Variants in ACSL5 observed in about 807,000 individuals in gnomAD.
ACSL5 encodes the protein acyl-CoA synthetase long chain family member 5, also known as long-chain-fatty-acid--CoA ligase 5.
ACSL5 carries 50 observed loss-of-function variants against 84.9 expected under a neutral mutation model. The ratio of observed to expected loss-of-function variants is 0.59; its 90% CI spans 0.47 to 0.75. The LOEUF (loss-of-function observed/expected upper bound fraction) is 0.75, where lower values mean the gene tolerates loss of function less well. ACSL5 is among the 30% of genes least tolerant of loss of function. The probability of loss-of-function intolerance (pLI) is 0.00; values close to 1 mark genes in which losing one functional copy is unlikely to be tolerated. For synonymous variants in ACSL5, 280 were observed against 300.7 expected (o/e 0.93, Z 0.71); for missense variants, 775 against 830.4 (o/e 0.93, Z 0.82).
chr10:112,398,532 G>T (rs1262055698), intron 2 of ACSL5, among the ~76,000 whole-genome samples: 1 of 151,916 alleles, frequency 6.6e-6, no homozygotes, highest in Non-Finnish European at 1.5e-5. Flanking sequence ...AACCTCCCAA[G>T]TAGCTGGGAC....
intron 16 of ACSL5, 29 bp from the exon 17 acceptor site, chr10:112,422,296 T>G (rs1367204080): frequency 1.3e-6 from 2 of 1,591,582 alleles, no homozygotes; most frequent in African/African-American, 2.7e-5. Flanking sequence ...CCTTTGCTAT[T>G]GTCACCGCCT....
In ACSL5 at chr10:112,394,788, G is replaced by C. The variant is rs1029104821; in HGVS notation, c.-29-130G>C. The C allele has an allele frequency of 3.3e-6, 5 of 1,495,368 alleles. No homozygotes were observed. The African/African-American group carries it at 7.0e-5, about 21-fold the overall frequency. The allele number at this position is 1,495,368 out of a possible 1,614,324, so 92.6% of individuals were successfully genotyped here. A position where few individuals can be genotyped will look rare whatever the true frequency, so the allele number is the denominator to read the frequency against. ...CCACTAGAGAGGTACAACTGTGTTTGAGGGTTTGAAGGCGTGCGCGCGTGT... is the reference window on the plus strand; with the variant it reads ...CCACTAGAGAGGTACAACTGTGTTTCAGGGTTTGAAGGCGTGCGCGCGTGT... On this transcript the variant is annotated intron_variant, in intron 1 of 20. Coordinates refer to ENST00000354655, the MANE Select transcript of ACSL5 (RefSeq NM_203379.2).
At chr10:112,421,850 T>A (rs1293949915) in intron 15 of ACSL5, 97 bp from the exon 16 acceptor site, 2 of 1,418,362 alleles carry the variant, frequency 1.4e-6, no homozygotes, top group Non-Finnish European at 2.0e-6. Context: ...TTTTTCAGTC[T>A]TCCTCTTCTA....
intron 3 of ACSL5, 94 bp downstream of exon 3, chr10:112,399,103 T>G (rs1843816149): frequency 2.0e-6 from 2 of 1,009,024 alleles, no homozygotes; most frequent in Non-Finnish European, 3.1e-6. Context: ...CCCCAGCTAT[T>G]TAGATGCAGT....
At chr10:112,386,262 C>T (rs969217817) in intron 1 of ACSL5, among the ~76,000 whole-genome samples, 17 of 134,422 alleles carry the variant, frequency 1.3e-4, no homozygotes, top group Admixed American at 5.1e-4. Flanking sequence ...GGTGCAATCT[C>T]GGCTCACTGC....
chr10:112,403,659 G>A (rs1229064767), intron 3 of ACSL5, among the ~76,000 whole-genome samples: 3 of 152,188 alleles, frequency 2.0e-5, no homozygotes, highest in Admixed American at 1.3e-4. Flanking sequence ...TAGGAGAAAA[G>A]TGAATTGTCA....
intron 5 of ACSL5, among the ~76,000 whole-genome samples, chr10:112,407,522 T>C (rs1259732206): frequency 6.6e-6 from 1 of 151,990 alleles, no homozygotes; most frequent in Non-Finnish European, 1.5e-5. Flanking sequence ...GCACCCGGCC[T>C]CAAGTTGAGA....
chr10:112,380,667 A>G (rs1221392152), intron 1 of ACSL5, among the ~76,000 whole-genome samples: 3 of 152,198 alleles, frequency 2.0e-5, no homozygotes, highest in African/African-American at 7.2e-5. Flanking sequence ...AGAGACACAG[A>G]CAACAGTTGA....
chr10:112,381,232 G>A (rs1178095064), intron 1 of ACSL5, among the ~76,000 whole-genome samples: 1 of 152,180 alleles, frequency 6.6e-6, no homozygotes, highest in East Asian at 1.9e-4. Context: ...TGCACACACT[G>A]AAGCATTCTG....
At chr10:112,422,287 CT>C (rs773607161) in intron 16 of ACSL5, 37 bp from the exon 17 acceptor site, 128 of 1,570,500 alleles carry the variant, frequency 8.2e-5, no homozygotes, top group Admixed American at 2.6e-4. Flanking sequence ...GAGGAGCAGC[CT>C]TTGCTATTGT....
chr10:112,401,751 C>G (rs1484566602), intron 3 of ACSL5, among the ~76,000 whole-genome samples: 1 of 152,052 alleles, frequency 6.6e-6, no homozygotes, highest in Non-Finnish European at 1.5e-5. Flanking sequence ...TCCTGGAACT[C>G]TCTCTCTCCT....
At chr10:112,418,236 T>C (rs1844363498) in intron 14 of ACSL5, among the ~76,000 whole-genome samples, 1 of 152,178 alleles carries the variant, frequency 6.6e-6, no homozygotes, top group South Asian at 2.1e-4. Flanking sequence ...CCTTGAACAA[T>C]GCAAGAGTTA....
intron 6 of ACSL5, chr10:112,408,749 C>A (rs184917186): frequency 6.4e-6 from 3 of 470,348 alleles, no homozygotes; most frequent in East Asian, 7.7e-5. Flanking sequence ...CAATGACATG[C>A]GTCAGGGTGA....
chr10:112,400,113 C>G (rs1843844516), intron 3 of ACSL5, among the ~76,000 whole-genome samples: 1 of 152,208 alleles, frequency 6.6e-6, no homozygotes, highest in African/African-American at 2.4e-5. Flanking sequence ...TTATAGACTT[C>G]ATGCAAATAA....
chr10:112,410,389 G>A, intron 7 of ACSL5, 74 bp from the exon 8 acceptor site: 1 of 1,608,354 alleles, frequency 6.2e-7, no homozygotes, highest in South Asian at 1.1e-5. Flanking sequence ...GGGAAAGGGA[G>A]GGAGAGGGCC....
At chr10:112,411,393 A>G in intron 9 of ACSL5, 63 bp from the exon 10 acceptor site, 2 of 1,406,210 alleles carry the variant, frequency 1.4e-6, no homozygotes, top group Middle Eastern at 1.8e-4. Flanking sequence ...AGTTTCTTTC[A>G]AGGCCAAAGG....
At chr10:112,399,684 C>T (rs1189560897) in intron 3 of ACSL5, among the ~76,000 whole-genome samples, 10 of 152,226 alleles carry the variant, frequency 6.6e-5, no homozygotes, top group Admixed American at 6.5e-4. Context: ...TTTTGGGTGA[C>T]ATTCTGGCCG....
chr10:112,375,075 C>T (rs1437543117), intron 1 of ACSL5, among the ~76,000 whole-genome samples: 2 of 151,822 alleles, frequency 1.3e-5, no homozygotes, highest in African/African-American at 4.8e-5. Context: ...AATAAAACCT[C>T]ATCTTCCCCT....
At chr10:112,374,338 T>A (rs1647496645) in intron 1 of ACSL5, 69 bp downstream of exon 1, 1 of 152,066 alleles carries the variant, frequency 6.6e-6, no homozygotes, top group Non-Finnish European at 1.5e-5. Flanking sequence ...GGGATTGGTG[T>A]GGGGAAAGAA....
Sources: gnomAD v4.1 joint callset for allele counts (sites outside exome capture counted in the v4.1 genomes callset) on GRCh38, gnomAD v4.1.1 for gene constraint, MANE v1.5 for transcripts, NCBI Gene and HGNC (gene_info 2026-07-23, HGNC 2026-07-21) for gene names.